MMP16: variants seen among roughly 807,000 people sequenced by gnomAD.
MMP16 encodes the protein matrix metalloproteinase-16.
A neutral mutation model predicts 67.8 loss-of-function variants in MMP16; 12 were observed. That is an observed-to-expected ratio of 0.18 (90% CI 0.11 to 0.29). The LOEUF (loss-of-function observed/expected upper bound fraction) is 0.29. Ranked by LOEUF, MMP16 falls within the 10% of genes least tolerant of loss-of-function variation. The pLI, the probability that MMP16 is intolerant of heterozygous loss-of-function variation, is 1.00. For missense variants in MMP16, 475 were observed against 765.7 expected, an observed-to-expected ratio of 0.62 and a Z score of 4.48; for synonymous variants, 249 against 255.9, an observed-to-expected ratio of 0.97 and a Z score of 0.26.
At chr8:88,235,201 G>A (rs1809920904) in intron 1 of MMP16, among the ~76,000 whole-genome samples, 1 of 152,020 alleles carries the variant, frequency 6.6e-6, no homozygotes, top group African/African-American at 2.4e-5. Flanking sequence ...AGACCAGCCT[G>A]GCCAACGTGG....
At chr8:88,121,100 A>G (rs1302394473) in intron 4 of MMP16, among the ~76,000 whole-genome samples, 5 of 146,318 alleles carry the variant, frequency 3.4e-5, no homozygotes, top group African/African-American at 1.3e-4. Context: ...GTTTTTGGCT[A>G]GAAAGAGGAA....
chr8:88,245,094 T>C (rs548102791), intron 1 of MMP16, among the ~76,000 whole-genome samples: 12 of 152,314 alleles, frequency 7.9e-5, no homozygotes, highest in Middle Eastern at 3.4e-3. Context: ...TTCTTTGCCA[T>C]GTTTTCTGTG....
At position 88,089,072 on chromosome 8, in the gene MMP16, G is replaced by C. The variant is rs989248581; in HGVS notation, c.1084-14329C>G. Among the ~76,000 whole-genome samples, 6 of 151,998 alleles carry C rather than the reference G, an allele frequency of 3.9e-5. No individual in the cohort carries two copies. In the South Asian group the frequency reaches 6.2e-4, roughly 16 times the overall value. ...ACAAAAGATAAATAAAACAAAATTGGTGTATAAAATTTGAAACTTTGTGAA... is the reference window on the plus strand; with the variant it reads ...ACAAAAGATAAATAAAACAAAATTGCTGTATAAAATTTGAAACTTTGTGAA... On this transcript the variant is annotated intron_variant, in intron 6 of 9. Transcript: ENST00000286614.
intron 4 of MMP16, 120 bp from the exon 5 acceptor site, chr8:88,118,981 CT>C: frequency 1.1e-6 from 1 of 938,966 alleles, no homozygotes; most frequent in African/African-American, 1.7e-5. Flanking sequence ...TTTCCTTCAA[CT>C]ATTTGTATGG....
chr8:88,226,764 C>G (rs932821564), intron 1 of MMP16, among the ~76,000 whole-genome samples: 1 of 151,986 alleles, frequency 6.6e-6, no homozygotes, highest in African/African-American at 2.4e-5. Flanking sequence ...TCTCTTCTGC[C>G]TATTTCAGTT....
chr8:88,077,972 A>G (rs2118296712), intron 6 of MMP16, among the ~76,000 whole-genome samples: 1 of 152,252 alleles, frequency 6.6e-6, no homozygotes, highest in African/African-American at 2.4e-5. Flanking sequence ...GGGGAGGGAA[A>G]GAAAGATGAA....
chr8:88,310,614 G>A lies in MMP16; in HGVS notation c.132+16461C>T, dbSNP rs372024485. 2.5e-4 allele frequency among the ~76,000 whole-genome samples: 38 copies of A among 152,188 alleles called. 1 individual carries two copies. The South Asian group carries it at 7.7e-3, about 31-fold the overall frequency. On this transcript the variant is annotated intron_variant, in intron 1 of 9. Coordinates refer to ENST00000286614, the MANE Select transcript of MMP16 (RefSeq NM_005941.5). Reference sequence around the variant, plus strand: ...CTTGCATGGTGGTGTCTGGCTCATGGAACACACTAAAGATGAAGACAGATA... The same window carrying A: ...CTTGCATGGTGGTGTCTGGCTCATGAAACACACTAAAGATGAAGACAGATA...
At chr8:88,120,177 A>C (rs1008520226) in intron 4 of MMP16, among the ~76,000 whole-genome samples, 1 of 151,908 alleles carries the variant, frequency 6.6e-6, no homozygotes. Context: ...TAGTCATAGG[A>C]GGAAGAAAAA....
intron 1 of MMP16, among the ~76,000 whole-genome samples, chr8:88,281,621 T>A (rs917057057): frequency 5.3e-5 from 8 of 152,186 alleles, no homozygotes; most frequent in Non-Finnish European, 8.8e-5. Flanking sequence ...TAGTCACTTG[T>A]TAATCAATAA....
chr8:88,162,137 T>C (rs998513622), intron 4 of MMP16, among the ~76,000 whole-genome samples: 2 of 152,028 alleles, frequency 1.3e-5, no homozygotes, highest in African/African-American at 4.8e-5. Context: ...TGAATGTGAC[T>C]ATACCAAATT....
chr8:88,308,911 A>G (rs541724290), intron 1 of MMP16, among the ~76,000 whole-genome samples: 1 of 152,106 alleles, frequency 6.6e-6, no homozygotes, highest in Admixed American at 6.6e-5. Flanking sequence ...GAAAGTCTTC[A>G]TAATTTAAAA....
At chr8:88,082,776 AT>A (rs536264325) in intron 6 of MMP16, among the ~76,000 whole-genome samples, 15 of 151,448 alleles carry the variant, frequency 9.9e-5, no homozygotes, top group East Asian at 3.9e-4. Flanking sequence ...TGCATGTTTT[AT>A]TTTTTTTTAT....
In MMP16 at chr8:88,116,656, T is replaced by C. The variant is rs780076056; in HGVS notation, c.934A>G (p.Ile312Val). 4 of 1,613,818 alleles carry C rather than the reference T, an allele frequency of 2.5e-6. No individual in the cohort carries two copies. The Admixed American group carries it at 5.0e-5, about 20-fold the overall frequency. ...TTTTTCCTTGGGTCAGCCGGAGGAA[T>C]AGAGCGGTGTGGGGGCACTGTCGGT... ...PLPTVPPHRS[I>V]PPADPRKNDR... Residue 312 changes from isoleucine (I) to valine (V), a missense_variant, in exon 6 of 10, where the codon ATT (isoleucine) becomes GTT (valine). Ile to Val is a conservative substitution (Grantham distance 29, BLOSUM62 3). Coordinates refer to ENST00000286614, the MANE Select transcript of MMP16 (RefSeq NM_005941.5).
chr8:88,312,412 G>A (rs566671615), intron 1 of MMP16, among the ~76,000 whole-genome samples: 9 of 152,058 alleles, frequency 5.9e-5, no homozygotes, highest in Non-Finnish European at 1.2e-4. Flanking sequence ...TATTAGGTTG[G>A]TTACTAAGAA....
At chr8:88,258,731 A>G (rs1000614398) in intron 1 of MMP16, among the ~76,000 whole-genome samples, 2 of 152,154 alleles carry the variant, frequency 1.3e-5, no homozygotes, top group Admixed American at 6.5e-5. Context: ...AGGCAAAATG[A>G]ATCATGTTGC....
chr8:88,100,586 A>G (rs532675914), intron 6 of MMP16, among the ~76,000 whole-genome samples: 1 of 152,192 alleles, frequency 6.6e-6, no homozygotes, highest in South Asian at 2.1e-4. Context: ...TCAAGGATCT[A>G]GAAACAGAAA....
intron 2 of MMP16, among the ~76,000 whole-genome samples, chr8:88,186,851 CTAATT>C (rs1402952163): frequency 6.6e-6 from 1 of 151,364 alleles, no homozygotes; most frequent in East Asian, 1.9e-4. Flanking sequence ...TTTCTTCTCT[CTAATT>C]TATTTTGGGC....
At chr8:88,298,972 T>C (rs1811056313) in intron 1 of MMP16, among the ~76,000 whole-genome samples, 1 of 152,154 alleles carries the variant, frequency 6.6e-6, no homozygotes, top group Admixed American at 6.5e-5. Flanking sequence ...ATTATATTTA[T>C]AGTTTACAAT....
chr8:88,188,260 T>C (rs188514249), intron 2 of MMP16, among the ~76,000 whole-genome samples: 53 of 152,326 alleles, frequency 3.5e-4, no homozygotes, highest in Non-Finnish European at 5.4e-4. Flanking sequence ...GTTGCTTTTA[T>C]ATATGGGTAT....
Sources: allele counts gnomAD v4.1 joint callset (sites outside exome capture counted in the v4.1 genomes callset), GRCh38; gene constraint gnomAD v4.1.1; transcripts MANE v1.5; gene names NCBI Gene and HGNC (gene_info 2026-07-23, HGNC 2026-07-21).